The following COBLL1 variants were observed in gnomAD, a reference collection of about 807,000 sequenced individuals.
The protein encoded by COBLL1 is cordon-bleu WH2 repeat protein like 1, also known as cordon-bleu protein-like 1.
Under a neutral mutation model 94.8 loss-of-function variants are expected in COBLL1, and 50 were observed. The ratio of observed to expected loss-of-function variants is 0.53; its 90% CI spans 0.42 to 0.67. COBLL1 has a LOEUF of 0.67. COBLL1 is among the 30% of genes least tolerant of loss of function. The pLI is 0.00. For synonymous variants in COBLL1, 448 were observed against 473.8 expected (o/e 0.95, Z 0.71); for missense variants, 1,362 against 1,348.7 (o/e 1.01, Z -0.15).
At chr2:164,664,553 C>T (rs1035633440) in intron 2 of COBLL1, among the ~76,000 whole-genome samples, 14 of 152,106 alleles carry the variant, frequency 9.2e-5, no homozygotes, top group African/African-American at 3.4e-4. Context: ...TCAATCATTG[C>T]AGACAAAGTC....
At chr2:164,660,743 T>A (rs1202689589) in intron 2 of COBLL1, among the ~76,000 whole-genome samples, 1 of 152,224 alleles carries the variant, frequency 6.6e-6, no homozygotes. Context: ...CATATGTAAC[T>A]GGAATCATAT....
intron 3 of COBLL1, 135 bp downstream of exon 3, chr2:164,743,548 CTTTT>C (rs201476254): frequency 1.5e-6 from 1 of 671,410 alleles, no homozygotes; most frequent in Non-Finnish European, 2.5e-6. Flanking sequence ...TTTTAGCAGT[CTTTT>C]TTTTTAACAG....
intron 2 of COBLL1, among the ~76,000 whole-genome samples, chr2:164,817,361 TA>T (rs10599487): frequency 0.038 from 4,418 of 116,440 alleles, 135 homozygotes; most frequent in African/African-American, 0.097. Context: ...TGGTATATAT[TA>T]AAAAAAAAAA....
Position 164,694,287 on chromosome 2 carries a change from C to G in COBLL1, c.3105G>C (p.Gln1035His). 1 of 1,613,582 alleles carries G rather than the reference C, an allele frequency of 6.2e-7. No individual in the cohort carries two copies. The highest frequency in any genetic ancestry group is 1.3e-5 in the African/African-American group (1 of 75,016). The change falls in exon 12 of 14, where the codon CAG (glutamine) becomes CAC (histidine). Residue 1035 changes from glutamine (Q) to histidine (H), a missense_variant. Physicochemically the swap from Gln to His is conservative, Grantham distance 24. Coordinates refer to ENST00000652658, the MANE Select transcript of COBLL1 (RefSeq NM_001365672.2). Reference sequence around the variant, plus strand: ...CAGTTACCTTATCAGACACACCAAGCTGTGGGATGTCCACAAATTTATTTA... The same window carrying G: ...CAGTTACCTTATCAGACACACCAAGGTGTGGGATGTCCACAAATTTATTTA... ...HSVNKFVDIP[Q>H]LGVSDKENNS... is the part of the protein sequence containing the mutation.
chr2:164,663,248 A>G (rs957293912), intron 2 of COBLL1, among the ~76,000 whole-genome samples: 6 of 152,238 alleles, frequency 3.9e-5, no homozygotes, highest in Admixed American at 3.3e-4. Flanking sequence ...GCTATAATCC[A>G]ACATATCCCT....
chr2:164,837,797 C>A (rs1211308650), intron 2 of COBLL1, among the ~76,000 whole-genome samples: 1 of 152,100 alleles, frequency 6.6e-6, no homozygotes, highest in Non-Finnish European at 1.5e-5. Context: ...CTTTTGATAT[C>A]TAAACTCTTA....
chr2:164,802,210 A>G (rs1369955434), intron 2 of COBLL1, among the ~76,000 whole-genome samples: 2 of 152,250 alleles, frequency 1.3e-5, no homozygotes, highest in African/African-American at 2.4e-5. Flanking sequence ...AAAATTGTTA[A>G]GAAACTGAAA....
chr2:164,719,800 A>C (rs1209324001), intron 7 of COBLL1, among the ~76,000 whole-genome samples: 1 of 152,168 alleles, frequency 6.6e-6, no homozygotes, highest in East Asian at 1.9e-4. Flanking sequence ...TATTCAAACC[A>C]CTACAGTTGA....
intron 3 of COBLL1, among the ~76,000 whole-genome samples, chr2:164,740,897 A>G (rs551606389): frequency 5.3e-5 from 8 of 152,108 alleles, no homozygotes; most frequent in Admixed American, 1.3e-4. Flanking sequence ...GGGGGGGAAA[A>G]GTTCATAAAC....
chr2:164,728,152 T>C lies in COBLL1; in HGVS notation c.478A>G (p.Ile160Val), dbSNP rs745792399. 14 of 1,613,622 alleles carry C rather than the reference T, an allele frequency of 8.7e-6. No individual in the cohort carries two copies. The highest frequency in any genetic ancestry group is 2.2e-5 in the East Asian group (1 of 44,870). The change falls in exon 5 of 14, where the codon ATA becomes GTA. Residue 160 changes from isoleucine (I) to valine (V), a missense_variant. Ile to Val is a conservative substitution (Grantham distance 29, BLOSUM62 3). Coordinates refer to ENST00000652658, the MANE Select transcript of COBLL1 (RefSeq NM_001365672.2). Reference protein sequence around the residue: ...VINFKKTQKTIVRVSPHASLQ... With the variant: ...VINFKKTQKTVVRVSPHASLQ... ...GATGCATGTGGACTCACTCTCACTATGGTCTTCTGTGTTTTCTTAAAATTA... is the reference window on the plus strand; with the variant it reads ...GATGCATGTGGACTCACTCTCACTACGGTCTTCTGTGTTTTCTTAAAATTA...
At chr2:164,730,481 G>A (rs1685945990) in intron 3 of COBLL1, among the ~76,000 whole-genome samples, 1 of 151,708 alleles carries the variant, frequency 6.6e-6, no homozygotes, top group Admixed American at 6.6e-5. Flanking sequence ...CTGGGCAACA[G>A]AGCAAGACCC....
At chr2:164,710,843 G>A (rs867768418) in intron 7 of COBLL1, among the ~76,000 whole-genome samples, 7 of 152,086 alleles carry the variant, frequency 4.6e-5, no homozygotes, top group Admixed American at 1.3e-4. Flanking sequence ...GATTATACGC[G>A]TGAGCCACTG....
At chr2:164,794,235 T>C (rs1340680975) in intron 2 of COBLL1, among the ~76,000 whole-genome samples, 1 of 152,216 alleles carries the variant, frequency 6.6e-6, no homozygotes, top group Non-Finnish European at 1.5e-5. Flanking sequence ...ATCCTGGTGA[T>C]AGCAGTACCT....
intron 2 of COBLL1, among the ~76,000 whole-genome samples, chr2:164,826,617 G>A (rs375866186): frequency 6.6e-6 from 1 of 152,206 alleles, no homozygotes; most frequent in Non-Finnish European, 1.5e-5. Context: ...GCCAGTAAGT[G>A]GCAGAGCACA....
At chr2:164,814,025 G>A (rs1684588797) in intron 2 of COBLL1, among the ~76,000 whole-genome samples, 1 of 152,156 alleles carries the variant, frequency 6.6e-6, no homozygotes, top group African/African-American at 2.4e-5. Flanking sequence ...AACAAGGTCA[G>A]AACAGGCACA....
Position 164,738,335 on chromosome 2 carries a change from G to A in COBLL1, c.230+5352C>T, listed in dbSNP as rs1274217138. The A allele has an allele frequency of 3.3e-5, 5 of 152,262 alleles. No individual in the cohort carries two copies. In the East Asian group the frequency reaches 9.6e-4, roughly 29 times the overall value. The allele number at this position is 152,262 out of a possible 1,614,324, so 9.4% of individuals were successfully genotyped here. The stretch of plus-strand genomic sequence containing the variant: ...AAAAAGGAACTAATACTTATTCAAT[G>A]AGGAATAATTACCTATGAAGCTGAT... On this transcript the variant is annotated intron_variant, in intron 3 of 13. Transcript: ENST00000652658.
intron 2 of COBLL1, among the ~76,000 whole-genome samples, chr2:164,791,394 T>A (rs1261765017): frequency 1.3e-5 from 2 of 152,170 alleles, no homozygotes; most frequent in Non-Finnish European, 2.9e-5. Context: ...AAAAGTCACA[T>A]TTTAATGACA....
At chr2:164,714,456 T>C (rs1457964460) in intron 7 of COBLL1, among the ~76,000 whole-genome samples, 2 of 150,806 alleles carry the variant, frequency 1.3e-5, no homozygotes, top group Non-Finnish European at 2.9e-5. Context: ...GTGGTAACCA[T>C]GATTCCCTGT....
At chr2:164,791,100 A>G (rs559687914) in intron 2 of COBLL1, among the ~76,000 whole-genome samples, 10 of 152,212 alleles carry the variant, frequency 6.6e-5, no homozygotes, top group South Asian at 2.1e-4. Context: ...TCTGCAGCCT[A>G]TCTTTGAAAA....
Sources: allele counts gnomAD v4.1 joint callset (sites outside exome capture counted in the v4.1 genomes callset), GRCh38; gene constraint gnomAD v4.1.1; transcripts MANE v1.5; gene names NCBI Gene and HGNC (gene_info 2026-07-23, HGNC 2026-07-21).